Variants in SRL observed in about 807,000 individuals in gnomAD.
SRL encodes the protein sarcalumenin.
Under a neutral mutation model 39.5 loss-of-function variants are expected in SRL, and 23 were observed. The observed-to-expected ratio is 0.58, with a 90% CI of 0.42 to 0.82. The LOEUF is 0.82. SRL is among the 40% of genes least tolerant of loss of function. The pLI is 0.00. For missense variants in SRL, 592 were observed against 607.8 expected (o/e 0.97, Z 0.27); for synonymous variants, 272 against 237.4 (o/e 1.15, Z -1.34).
intron 3 of SRL, among the ~76,000 whole-genome samples, chr16:4,199,173 A>G (rs2052187804): frequency 6.6e-6 from 1 of 151,946 alleles, no homozygotes; most frequent in Non-Finnish European, 1.5e-5. Flanking sequence ...TCATGATTTT[A>G]ATTTATTTAA....
At chr16:4,196,719 T>G (rs2052151110) in intron 4 of SRL, among the ~76,000 whole-genome samples, 1 of 152,104 alleles carries the variant, frequency 6.6e-6, no homozygotes, top group Non-Finnish European at 1.5e-5. Context: ...GACCTTGTGA[T>G]CAACCCACCT....
At chr16:4,213,778 T>G (rs909112093) in intron 1 of SRL, among the ~76,000 whole-genome samples, 3 of 152,218 alleles carry the variant, frequency 2.0e-5, no homozygotes, top group African/African-American at 7.2e-5. Flanking sequence ...CACGTAGGAC[T>G]CCATCTTTCC....
intron 5 of SRL, among the ~76,000 whole-genome samples, chr16:4,194,191 C>A (rs1163166713): frequency 6.6e-6 from 1 of 152,192 alleles, no homozygotes; most frequent in African/African-American, 2.4e-5. Flanking sequence ...AGTCTTGTGG[C>A]CTGGTTGTCA....
chr16:4,200,444 T>C (rs2052213173), intron 3 of SRL, among the ~76,000 whole-genome samples: 1 of 151,324 alleles, frequency 6.6e-6, no homozygotes, highest in Non-Finnish European at 1.5e-5. Context: ...AGGTGGGAGG[T>C]GAGCCTGGGA....
In SRL at chr16:4,192,190, C is replaced by T. The variant is rs199529905; in HGVS notation, c.1385G>A (p.Cys462Tyr). 97 of 1,573,648 alleles carry T rather than the reference C, an allele frequency of 6.2e-5. No homozygotes were observed. Among genetic ancestry groups the T allele is most frequent in the Middle Eastern group, 3.4e-4 (2 of 5,838 alleles). The change falls in exon 6 of 6, where the codon TGT (cysteine) becomes TAT (tyrosine). Residue 462 changes from cysteine to tyrosine, a missense_variant. Physicochemically the swap from Cys to Tyr is radical, Grantham distance 194 (BLOSUM62 -2). Transcript: ENST00000399609. The surrounding 1 kb of genome is among the most constrained non-coding windows in gnomAD (Gnocchi z 4.0). ...PGALNCDKTG[C>Y]SETPKNRYRK... Reference sequence around the variant, plus strand: ...GTAGCGATTTTTTGGTGTTTCGCTACACCCTGTTTTGTCACAGTTGAGAGC... The same window carrying T: ...GTAGCGATTTTTTGGTGTTTCGCTATACCCTGTTTTGTCACAGTTGAGAGC...
In SRL at chr16:4,219,773, T is replaced by G. The variant is rs2052500271; in HGVS notation, c.62-15139A>C. Among the ~76,000 whole-genome samples the G allele has an allele frequency of 2.0e-5, 3 of 151,986 alleles. No homozygotes were observed. In the South Asian group the frequency reaches 6.2e-4, roughly 32 times the overall value. ...ACCACGCCTGGCCTGTATGGAGATT[T>G]TAGGAAGGACCCAGGGTGAGGGTTA... On this transcript the variant is annotated intron_variant, in intron 1 of 5. Coordinates refer to ENST00000399609, the MANE Select transcript of SRL (RefSeq NM_001098814.2).
intron 3 of SRL, among the ~76,000 whole-genome samples, chr16:4,200,403 C>T (rs535709614): frequency 1.7e-4 from 26 of 152,272 alleles, no homozygotes; most frequent in African/African-American, 6.0e-4. Context: ...TTCGGCTCCT[C>T]ACAGCAGGGG....
chr16:4,197,870 C>A lies in SRL; in HGVS notation c.305G>T (p.Trp102Leu), dbSNP rs1325961220. Residue 102 changes from tryptophan (W) to leucine (L), a missense_variant, in exon 4 of 6, where the codon TGG becomes TTG. By Grantham distance (61) the Trp-to-Leu change is moderately conservative (BLOSUM62 -2). Transcript: ENST00000399609. ...SKPMVLFLGP[W>L]SVGKSTMINY... Reference sequence around the variant, plus strand: ...TATCATGGTAGATTTACCAACACTCCACGGTCCCAGGAACAGTACCATGGG... The same window carrying A: ...TATCATGGTAGATTTACCAACACTCAACGGTCCCAGGAACAGTACCATGGG... 1 of 1,614,154 alleles carries A rather than the reference C, an allele frequency of 6.2e-7. No individual in the cohort carries two copies. The highest frequency in any genetic ancestry group is 8.5e-7 in the Non-Finnish European group (1 of 1,179,998).
chr16:4,237,635 G>A (rs907949371), intron 1 of SRL, among the ~76,000 whole-genome samples: 6 of 150,626 alleles, frequency 4.0e-5, no homozygotes, highest in Non-Finnish European at 8.9e-5. Flanking sequence ...AACACGTCCC[G>A]CCACCCCACT....
chr16:4,200,705 G>T (rs550761344), intron 3 of SRL, among the ~76,000 whole-genome samples: 61 of 152,346 alleles, frequency 4.0e-4, no homozygotes, highest in Non-Finnish European at 7.1e-4. Context: ...ACTACAAAGG[G>T]GGGCGATAAT....
intron 1 of SRL, among the ~76,000 whole-genome samples, chr16:4,216,158 A>C (rs906710313): frequency 2.0e-5 from 3 of 152,216 alleles, no homozygotes; most frequent in African/African-American, 7.2e-5. Context: ...TTTGGGAGGT[A>C]GAAAGAAATT....
At position 4,214,051 on chromosome 16, in the gene SRL, C is replaced by T. The variant is rs2052425712; in HGVS notation, c.62-9417G>A. On this transcript the variant is annotated intron_variant, in intron 1 of 5. Transcript: ENST00000399609. ...TGGGTCAACGTGTACCTGTGTGTTT[C>T]ACAAGGGGATTCTACAGAACACCAG... Among the ~76,000 whole-genome samples the T allele has an allele frequency of 3.3e-5, 5 of 152,176 alleles. No individual in the cohort carries two copies. The South Asian group carries it at 1.0e-3, about 32-fold the overall frequency.
chr16:4,206,834 C>T (rs752050856), intron 1 of SRL: 7 of 456,798 alleles, frequency 1.5e-5, no homozygotes, highest in South Asian at 6.2e-5. Context: ...TCAATTCCTC[C>T]GGGCCAGGCT....
At chr16:4,216,988 G>T (rs2052468305) in intron 1 of SRL, among the ~76,000 whole-genome samples, 1 of 152,276 alleles carries the variant, frequency 6.6e-6, no homozygotes, top group East Asian at 1.9e-4. Context: ...AGCTATCCTG[G>T]GTTAAAGTCA....
rs75282503 is a variant in SRL at position 4,225,784 on chromosome 16, C to T, written c.61+16223G>A. On this transcript the variant is annotated intron_variant, in intron 1 of 5. Coordinates refer to ENST00000399609, the MANE Select transcript of SRL (RefSeq NM_001098814.2). ...TCCCCCATCCCCTGTGTGTTTCCCA[C>T]ACAGCAGCAGAGCAACAGGAGACCC... is the stretch of plus-strand genomic sequence containing the variant. Among the ~76,000 whole-genome samples the T allele has an allele frequency of 7.7e-3, 1,166 of 152,214 alleles. 10 individuals are homozygous for T. The highest frequency in any genetic ancestry group is 0.014 in the Middle Eastern group (4 of 294).
At chr16:4,212,367 C>G (rs2052403814) in intron 1 of SRL, among the ~76,000 whole-genome samples, 1 of 152,310 alleles carries the variant, frequency 6.6e-6, no homozygotes, top group African/African-American at 2.4e-5. Flanking sequence ...CCACTGGACC[C>G]AGTTCTCCTC....
intron 3 of SRL, among the ~76,000 whole-genome samples, chr16:4,201,724 C>G (rs1168614977): frequency 7.3e-6 from 1 of 137,434 alleles, no homozygotes; most frequent in African/African-American, 3.1e-5. Context: ...GGCACAATCT[C>G]AGCTCACTGC....
At chr16:4,216,797 G>A (rs568405407) in intron 1 of SRL, among the ~76,000 whole-genome samples, 1 of 152,314 alleles carries the variant, frequency 6.6e-6, no homozygotes, top group African/African-American at 2.4e-5. Context: ...GGAAAGGGAT[G>A]CAGGCTGGGT....
At chr16:4,225,659 C>A (rs569937251) in intron 1 of SRL, among the ~76,000 whole-genome samples, 9 of 152,144 alleles carry the variant, frequency 5.9e-5, no homozygotes, top group Non-Finnish European at 8.8e-5. Flanking sequence ...TCAATCCAAC[C>A]ATTTCTTAAC....
Sources: gnomAD v4.1 joint callset for allele counts (sites outside exome capture counted in the v4.1 genomes callset) on GRCh38, gnomAD v4.1.1 for gene constraint, Gnocchi (gnomAD v3.1) non-coding constraint, MANE v1.5 for transcripts, NCBI Gene and HGNC (gene_info 2026-07-23, HGNC 2026-07-21) for gene names.